PYM1: variants seen among roughly 807,000 people sequenced by gnomAD.
PYM1 encodes partner of Y14 and mago.
PYM1 carries 7 observed loss-of-function variants against 20.7 expected under a neutral mutation model. That is an observed-to-expected ratio of 0.34 (90% CI 0.19 to 0.64). The LOEUF (loss-of-function observed/expected upper bound fraction) is 0.64, where lower values mean the gene tolerates loss of function less well. PYM1 is among the 30% of genes least tolerant of loss of function. PYM1 has a pLI of 0.74. For synonymous variants in PYM1, 100 were observed against 99.2 expected (o/e 1.01, Z -0.05); for missense variants, 194 against 250.0 (o/e 0.78, Z 1.51).
intron 1 of PYM1, among the ~76,000 whole-genome samples, chr12:55,923,019 A>C (rs1883126991): frequency 6.6e-6 from 1 of 152,160 alleles, no homozygotes; most frequent in Non-Finnish European, 1.5e-5. Context: ...CGAGGTCAGG[A>C]GTTTGAGACC....
chr12:55,914,635 G>A (rs1461290935), intron 1 of PYM1, among the ~76,000 whole-genome samples: 2 of 152,130 alleles, frequency 1.3e-5, no homozygotes, highest in Non-Finnish European at 2.9e-5. Flanking sequence ...AAGAGGTAGG[G>A]GACATGGTTG....
intron 1 of PYM1, among the ~76,000 whole-genome samples, chr12:55,906,473 GTCTTTTGCACCATTGGTGCA>G (rs1373491035): frequency 6.6e-6 from 1 of 152,004 alleles, no homozygotes; most frequent in African/African-American, 2.4e-5. Flanking sequence ...CACCAACCAT[GTCTTTTGCACCATTGGTGCA>G]AAGTCAACCC....
intron 1 of PYM1, 29 bp downstream of exon 1, chr12:55,927,696 C>T: frequency 6.5e-7 from 1 of 1,539,148 alleles, no homozygotes; most frequent in Non-Finnish European, 8.7e-7. Context: ...GAGGGGCGTG[C>T]AAGGCGGAGG....
chr12:55,924,411 G>C (rs898426104), intron 1 of PYM1, among the ~76,000 whole-genome samples: 2 of 152,004 alleles, frequency 1.3e-5, no homozygotes, highest in Non-Finnish European at 2.9e-5. Flanking sequence ...GGCAGACTGA[G>C]GTGGGAAGAT....
chr12:55,903,364 C>G (rs1343183457), intron 2 of PYM1, 23 bp downstream of exon 2: 6 of 1,609,438 alleles, frequency 3.7e-6, no homozygotes, highest in Non-Finnish European at 5.1e-6. Context: ...CAGAAAACCC[C>G]TACGCAAAGC....
In PYM1 at chr12:55,909,584, A is replaced by G. The variant is rs544032075; in HGVS notation, c.38-6104T>C. ...CTAGCATAATAAAAGGGTGACTTGG[A>G]AAAAAAAAAAAAACACCAGAGACAT... is the stretch of plus-strand genomic sequence containing the variant. On this transcript the variant is annotated intron_variant, in intron 1 of 2. Coordinates refer to ENST00000408946, the MANE Select transcript of PYM1 (RefSeq NM_032345.3). Among the ~76,000 whole-genome samples, 23 of 131,018 alleles carry G rather than the reference A, an allele frequency of 1.8e-4. No individual in the cohort carries two copies. In the South Asian group the frequency reaches 4.6e-3, roughly 26 times the overall value. The allele number at this position is 131,018 out of a possible 152,430, so 86.0% of individuals were successfully genotyped here.
At position 55,927,845 on chromosome 12, in the gene PYM1, AAGTGATGAGGGCCCTAG is replaced by A. The variant is rs1883225197; in HGVS notation, c.-101_-85del. 4 of 1,495,110 alleles carry A rather than the reference AAGTGATGAGGGCCCTAG, an allele frequency of 2.7e-6. No individual in the cohort carries two copies. Among genetic ancestry groups the A allele is most frequent in the Non-Finnish European group, 3.6e-6 (4 of 1,119,218 alleles). The allele number at this position is 1,495,110 out of a possible 1,614,324, so 92.6% of individuals were successfully genotyped here. A position where few individuals can be genotyped will look rare whatever the true frequency, so the allele number is the denominator to read the frequency against. Reference sequence around the variant, plus strand: ...GGGCGGCGCCGGGGATTCGGCGGCGAAGTGATGAGGGCCCTAGTTGCTTCTCGCCCAGACCTCCTAAC... The same window carrying A: ...GGGCGGCGCCGGGGATTCGGCGGCGATTGCTTCTCGCCCAGACCTCCTAAC... On this transcript the variant is annotated 5_prime_UTR_variant, in exon 1 of 3. Coordinates refer to ENST00000408946, the MANE Select transcript of PYM1 (RefSeq NM_032345.3).
chr12:55,925,487 T>C (rs1004730098), intron 1 of PYM1, among the ~76,000 whole-genome samples: 22 of 152,100 alleles, frequency 1.4e-4, no homozygotes, highest in African/African-American at 5.1e-4. Context: ...TGAGGAACTA[T>C]GAAATCAGAA....
chr12:55,921,772 A>G (rs1000648158), intron 1 of PYM1, among the ~76,000 whole-genome samples: 1 of 152,194 alleles, frequency 6.6e-6, no homozygotes, highest in African/African-American at 2.4e-5. Context: ...ATAAAATAGT[A>G]TTGGATTATA....
chr12:55,910,406 G>A (rs954134618), intron 1 of PYM1, among the ~76,000 whole-genome samples: 6 of 151,834 alleles, frequency 4.0e-5, no homozygotes, highest in South Asian at 2.1e-4. Context: ...TCAGCCTGCC[G>A]AGTAGCTGGG....
In PYM1 at chr12:55,901,948, C is replaced by T. The variant is rs374694899; in HGVS notation, c.539G>A (p.Ser180Asn). Residue 180 changes from serine (S) to asparagine (N), a missense_variant, in exon 3 of 3, where the codon AGC (serine) becomes AAC (asparagine). Ser to Asn is a conservative substitution (Grantham distance 46). Coordinates refer to ENST00000408946, the MANE Select transcript of PYM1 (RefSeq NM_032345.3). ...RIQAGEVSQP[S>N]KEQLEKLARR... ...TGCTAGCTTTTCTAGCTGCTCTTTG[C>T]TAGGCTGGCTGACTTCCCCAGCCTG... is the stretch of plus-strand genomic sequence containing the variant. The T allele has an allele frequency of 2.5e-6, 4 of 1,614,036 alleles. No homozygotes were observed. Among genetic ancestry groups the T allele is most frequent in the Non-Finnish European group, 3.4e-6 (4 of 1,180,028 alleles).
intron 1 of PYM1, among the ~76,000 whole-genome samples, chr12:55,921,813 C>T (rs1427399973): frequency 6.6e-6 from 1 of 151,938 alleles, no homozygotes; most frequent in African/African-American, 2.4e-5. Context: ...ATCTATAAGT[C>T]CATATTGATA....
intron 1 of PYM1, among the ~76,000 whole-genome samples, chr12:55,905,486 G>C (rs1450258040): frequency 6.6e-6 from 1 of 150,582 alleles, no homozygotes; most frequent in Non-Finnish European, 1.5e-5. Context: ...CGGATCATCT[G>C]AGGTCAGGAG....
At chr12:55,903,315 T>C (rs1882728107) in intron 2 of PYM1, 72 bp downstream of exon 2, 2 of 1,362,016 alleles carry the variant, frequency 1.5e-6, no homozygotes, top group African/African-American at 1.4e-5. Flanking sequence ...CCTGAACTTG[T>C]AGGCATAAGG....
At chr12:55,913,404 A>C (rs189171093) in intron 1 of PYM1, among the ~76,000 whole-genome samples, 1 of 152,328 alleles carries the variant, frequency 6.6e-6, no homozygotes, top group Admixed American at 6.5e-5. Flanking sequence ...TGTAACGTGA[A>C]AAGAGACTCA....
chr12:55,921,624 G>T (rs1883099121), intron 1 of PYM1, among the ~76,000 whole-genome samples: 1 of 152,106 alleles, frequency 6.6e-6, no homozygotes, highest in African/African-American at 2.4e-5. Context: ...GCTTCTTGGA[G>T]AAATGGCAGA....
chr12:55,902,276 CAGG>C lies in PYM1; in HGVS notation c.208_210del (p.Pro70del). 1 of 1,614,176 alleles carries C rather than the reference CAGG, an allele frequency of 6.2e-7. No individual in the cohort carries two copies. The highest frequency in any genetic ancestry group is 8.5e-7 in the Non-Finnish European group (1 of 1,180,042). On this transcript the variant is annotated inframe_deletion, in exon 3 of 3. Coordinates refer to ENST00000408946, the MANE Select transcript of PYM1 (RefSeq NM_032345.3). ...CCACCTTCAGGCCTGGATGGGGTGA[CAGG>C]AGCAGTGGCCTCAGGGCTTAGCCCT...
intron 1 of PYM1, among the ~76,000 whole-genome samples, chr12:55,905,495 A>G (rs1882779777): frequency 6.6e-6 from 1 of 150,532 alleles, no homozygotes. Flanking sequence ...TGAGGTCAGG[A>G]GTTCGAGAGC....
chr12:55,926,722 A>G (rs555630647), intron 1 of PYM1, among the ~76,000 whole-genome samples: 25 of 152,168 alleles, frequency 1.6e-4, no homozygotes, highest in Non-Finnish European at 3.2e-4. Flanking sequence ...AGGGGAAAAG[A>G]AGGAGGGCAG....
Sources: gnomAD v4.1 joint callset for allele counts (sites outside exome capture counted in the v4.1 genomes callset) on GRCh38, gnomAD v4.1.1 for gene constraint, MANE v1.5 for transcripts, NCBI Gene and HGNC (gene_info 2026-07-23, HGNC 2026-07-21) for gene names.